MYT1L: variants seen among roughly 807,000 people sequenced by gnomAD.
MYT1L encodes the protein myelin transcription factor 1-like protein.
Under a neutral mutation model 126.7 loss-of-function variants are expected in MYT1L, and 12 were observed. The observed-to-expected ratio is 0.09, with a 90% CI of 0.06 to 0.15. MYT1L has a LOEUF of 0.15. MYT1L is among the 10% of genes least tolerant of loss of function. The probability of loss-of-function intolerance (pLI) is 1.00; values close to 1 mark genes in which losing one functional copy is unlikely to be tolerated. For missense variants in MYT1L, 979 were observed against 1,585.2 expected (o/e 0.62, Z 6.49); for synonymous variants, 541 against 604.2 (o/e 0.90, Z 1.53).
intron 8 of MYT1L, among the ~76,000 whole-genome samples, chr2:1,955,219 A>G (rs1454172989): frequency 6.6e-6 from 1 of 152,000 alleles, no homozygotes; most frequent in Non-Finnish European, 1.5e-5. Flanking sequence ...AGAAAAAAAA[A>G]AATGGCTAAA....
chr2:1,976,229 GACAGCAAATGCCA>G (rs2060173756), intron 8 of MYT1L, among the ~76,000 whole-genome samples: 1 of 151,962 alleles, frequency 6.6e-6, no homozygotes. Flanking sequence ...TCAGGAACCT[GACAGCAAATGCCA>G]GCATCACAGC....
Position 2,274,925 on chromosome 2 carries a change from C to T in MYT1L, c.-421+9479G>A, listed in dbSNP as rs561769053. On this transcript the variant is annotated intron_variant, in intron 2 of 24. Coordinates refer to ENST00000647738, the MANE Select transcript of MYT1L (RefSeq NM_001303052.2). ...AGCCTCCACTCGGAGAGCTGTGAGG[C>T]TCAGCAAACACGTATTGATCCCTAT... Among the ~76,000 whole-genome samples, 16 of 152,228 alleles carry T rather than the reference C, an allele frequency of 1.1e-4. No individual in the cohort carries two copies. In the South Asian group the frequency reaches 3.1e-3, roughly 30 times the overall value.
intron 3 of MYT1L, among the ~76,000 whole-genome samples, chr2:2,104,731 C>T (rs2078536411): frequency 6.6e-6 from 1 of 152,198 alleles, no homozygotes; most frequent in African/African-American, 2.4e-5. Flanking sequence ...AACACTCGCC[C>T]CTGCTTTATT....
intron 3 of MYT1L, among the ~76,000 whole-genome samples, chr2:2,121,008 C>T (rs1207630741): frequency 6.6e-6 from 1 of 152,122 alleles, no homozygotes; most frequent in East Asian, 1.9e-4. Context: ...GGGAGGCCGG[C>T]GCGGAGGAAC....
chr2:1,997,754 C>A, intron 4 of MYT1L, among the ~76,000 whole-genome samples: 1 of 152,116 alleles, frequency 6.6e-6, no homozygotes, highest in East Asian at 1.9e-4. Flanking sequence ...CATGGAGGAG[C>A]TCCACACCAG....
At chr2:1,872,593 T>C (rs1215311779) in intron 18 of MYT1L, among the ~76,000 whole-genome samples, 1 of 152,206 alleles carries the variant, frequency 6.6e-6, no homozygotes, top group African/African-American at 2.4e-5. Context: ...TTGAAATATT[T>C]TGATCTTGGT....
intron 3 of MYT1L, among the ~76,000 whole-genome samples, chr2:2,073,523 T>G (rs977375504): frequency 2.8e-4 from 42 of 152,176 alleles, no homozygotes; most frequent in African/African-American, 1.0e-3. Context: ...AACATTAGGA[T>G]GAAGTCTCTC....
At chr2:2,214,876 T>G (rs530219801) in intron 2 of MYT1L, among the ~76,000 whole-genome samples, 2 of 152,118 alleles carry the variant, frequency 1.3e-5, no homozygotes, top group Admixed American at 6.5e-5. Flanking sequence ...AAAATAATAA[T>G]GTAGTGTGTC....
At chr2:1,814,098 C>T (rs943752239) in intron 21 of MYT1L, among the ~76,000 whole-genome samples, 1 of 151,888 alleles carries the variant, frequency 6.6e-6, no homozygotes, top group African/African-American at 2.4e-5. Context: ...GGTTGGGGGC[C>T]GCTGTCCTAG....
intron 3 of MYT1L, among the ~76,000 whole-genome samples, chr2:2,100,703 T>G (rs1041998742): frequency 2.6e-5 from 4 of 152,152 alleles, no homozygotes; most frequent in Non-Finnish European, 4.4e-5. Flanking sequence ...ATTTCCCCTT[T>G]CTTCTGCTAG....
intron 18 of MYT1L, among the ~76,000 whole-genome samples, chr2:1,870,704 A>G (rs2046172361): frequency 6.6e-6 from 1 of 152,184 alleles, no homozygotes. Flanking sequence ...TCTTTATGTG[A>G]TTTGTCAGAG....
At chr2:1,864,633 G>A (rs1231568349) in intron 18 of MYT1L, among the ~76,000 whole-genome samples, 1 of 152,198 alleles carries the variant, frequency 6.6e-6, no homozygotes, top group Admixed American at 6.5e-5. Flanking sequence ...GTTTATTCAG[G>A]GTCTGGGAGG....
chr2:2,186,459 C>T (rs1298967693), intron 2 of MYT1L, among the ~76,000 whole-genome samples: 1 of 152,204 alleles, frequency 6.6e-6, no homozygotes. Flanking sequence ...ATATGGACCT[C>T]GATGAACAGA....
intron 18 of MYT1L, among the ~76,000 whole-genome samples, chr2:1,856,169 T>C (rs2043894691): frequency 6.6e-6 from 1 of 151,850 alleles, no homozygotes; most frequent in Admixed American, 6.5e-5. Context: ...ACTCTGACTT[T>C]AAGGCAAGAG....
At chr2:2,293,471 G>A (rs1050214511) in intron 1 of MYT1L, among the ~76,000 whole-genome samples, 1 of 152,224 alleles carries the variant, frequency 6.6e-6, no homozygotes, top group Admixed American at 6.5e-5. Context: ...GGAGCAGGGC[G>A]TGGAGGGTGA....
At chr2:2,300,671 G>A (rs2095768558) in intron 1 of MYT1L, among the ~76,000 whole-genome samples, 1 of 152,188 alleles carries the variant, frequency 6.6e-6, no homozygotes, top group African/African-American at 2.4e-5. Context: ...CGCATTTTGA[G>A]TTGTCTAACC....
chr2:1,895,522 T>C (rs753388218), intron 14 of MYT1L, among the ~76,000 whole-genome samples: 2 of 152,100 alleles, frequency 1.3e-5, no homozygotes, highest in African/African-American at 2.4e-5. Flanking sequence ...CACAGACCAA[T>C]GGAACACAAT....
chr2:2,212,467 T>C (rs1241909869), intron 2 of MYT1L, among the ~76,000 whole-genome samples: 1 of 152,216 alleles, frequency 6.6e-6, no homozygotes, highest in Non-Finnish European at 1.5e-5. Flanking sequence ...AACACAATAT[T>C]CATAATTTAT....
chr2:1,911,501 T>A (rs572661556), intron 12 of MYT1L, among the ~76,000 whole-genome samples: 2 of 152,166 alleles, frequency 1.3e-5, no homozygotes, highest in African/African-American at 2.4e-5. Flanking sequence ...TGGTTCTGAG[T>A]CCATTGGTTA....
Sources: allele counts gnomAD v4.1 joint callset (sites outside exome capture counted in the v4.1 genomes callset), GRCh38; gene constraint gnomAD v4.1.1; transcripts MANE v1.5; gene names NCBI Gene and HGNC (gene_info 2026-07-23, HGNC 2026-07-21).